Variants in DNAI4 observed in about 807,000 individuals in gnomAD.
DNAI4 encodes WD repeat domain 78.
A neutral mutation model predicts 105.8 loss-of-function variants in DNAI4; 85 were observed. That is an observed-to-expected ratio of 0.80 (90% confidence interval 0.67 to 0.96). The LOEUF is 0.96. DNAI4 is among the 40% of genes least tolerant of loss of function. The pLI is 0.00. For missense variants in DNAI4, 1,014 were observed against 1,005.6 expected (o/e 1.01, Z -0.11); for synonymous variants, 352 against 331.5 (o/e 1.06, Z -0.67).
rs1032383495 is a variant in DNAI4, at chr1:66,833,575, A to G, written c.2013+10T>C. On this transcript the variant is annotated intron_variant, in intron 13 of 16. Transcript: ENST00000371026. The stretch of plus-strand genomic sequence containing the variant: ...TATGTCCAGTGGTAAATAAGAGTGA[A>G]ATAATTTACCTTGGGATGAAAAGCA... 2 of 1,611,548 alleles carry G rather than the reference A, an allele frequency of 1.2e-6. No homozygotes were observed. Among genetic ancestry groups the G allele is most frequent in the Non-Finnish European group, 1.7e-6 (2 of 1,178,992 alleles).
At chr1:66,817,191 G>T (rs900899564) in intron 16 of DNAI4, among the ~76,000 whole-genome samples, 19 of 152,088 alleles carry the variant, frequency 1.2e-4, no homozygotes, top group African/African-American at 4.6e-4. Flanking sequence ...CAATTTGTCA[G>T]TATACAAACA....
In DNAI4 at chr1:66,874,828, C is replaced by G; in HGVS notation, c.753G>C (p.Leu251Phe). ...TETETLRFFD[L>F]PTVMVSVESE... ...ATTCTACAGAGACCATGACTGTGGG[C>G]AAGTCAAAAAATCTCAGTGTTTCTG... is the stretch of plus-strand genomic sequence containing the variant. Residue 251 changes from leucine (L) to phenylalanine (F), a missense_variant, in exon 5 of 17, where the codon TTG (leucine) becomes TTC (phenylalanine). Transcript: ENST00000371026. 6.2e-7 allele frequency: 1 copy of G among 1,613,608 alleles called. No homozygotes were observed. The highest frequency in any genetic ancestry group is 8.5e-7 in the Non-Finnish European group (1 of 1,179,740).
chr1:66,915,770 T>TA (rs1203198296), intron 1 of DNAI4, among the ~76,000 whole-genome samples: 1 of 152,100 alleles, frequency 6.6e-6, no homozygotes, highest in African/African-American at 2.4e-5. Context: ...AAGAAAGTTA[T>TA]AAAAATAAAC....
At position 66,871,452 on chromosome 1, in the gene DNAI4, A is replaced by T; in HGVS notation, c.858T>A (p.Tyr286Ter). Residue 286 changes from tyrosine (Y) to a stop codon, truncating the protein, a stop_gained, in exon 6 of 17, where the codon TAT becomes TAA. Transcript: ENST00000371026. LOFTEE classifies it high-confidence loss of function. ...TGAAAGTCTGCATCATCCTTTCAAC[A>T]TATAGGTCATTGCCTAATCTGTTTC... The part of the protein sequence containing the change: ...LCRNRLGNDL[Y>*]VERMMQTFNG... The T allele has an allele frequency of 6.2e-7, 1 of 1,611,428 alleles. No homozygotes were observed. The highest frequency in any genetic ancestry group is 8.5e-7 in the Non-Finnish European group (1 of 1,178,478).
At chr1:66,872,698 T>G (rs1646872516) in intron 5 of DNAI4, among the ~76,000 whole-genome samples, 1 of 152,068 alleles carries the variant, frequency 6.6e-6, no homozygotes, top group Non-Finnish European at 1.5e-5. Context: ...TACTTTTATA[T>G]TCCAATGCTC....
rs112227070 is a variant in DNAI4, at chr1:66,894,787, T to C, written c.346-1374A>G. ...ATGTGCTCAGGTCATTTGAAGACTC[T>C]CTAATTTGCTAATATTATATGTTTT... On this transcript the variant is annotated intron_variant, in intron 2 of 16. Transcript: ENST00000371026. Among the ~76,000 whole-genome samples the C allele has an allele frequency of 4.7e-3, 712 of 152,328 alleles. 3 individuals are homozygous for C. Among genetic ancestry groups the C allele is most frequent in the African/African-American group, 0.016 (671 of 41,578 alleles).
chr1:66,832,044 C>A (rs1645876840), intron 13 of DNAI4, among the ~76,000 whole-genome samples: 1 of 152,050 alleles, frequency 6.6e-6, no homozygotes, highest in South Asian at 2.1e-4. Context: ...TACTGGTAGC[C>A]CTTCCCCACC....
chr1:66,818,518 G>A (rs1258080814), intron 16 of DNAI4, among the ~76,000 whole-genome samples: 1 of 152,134 alleles, frequency 6.6e-6, no homozygotes, highest in African/African-American at 2.4e-5. Context: ...AAGATGAACT[G>A]TTCGTTTTTT....
At chr1:66,817,660 A>G (rs1219996418) in intron 16 of DNAI4, among the ~76,000 whole-genome samples, 1 of 152,230 alleles carries the variant, frequency 6.6e-6, no homozygotes, top group East Asian at 1.9e-4. Context: ...CCTACTGCAT[A>G]GGAAAACTGT....
intron 4 of DNAI4, among the ~76,000 whole-genome samples, chr1:66,885,788 T>C (rs1161294793): frequency 1.3e-5 from 2 of 152,236 alleles, no homozygotes; most frequent in Admixed American, 1.3e-4. Flanking sequence ...CAAGATGTTC[T>C]CTTTGTCTTT....
intron 7 of DNAI4, among the ~76,000 whole-genome samples, chr1:66,856,181 A>C (rs1646496212): frequency 6.6e-6 from 1 of 150,890 alleles, no homozygotes. Flanking sequence ...TCTAAATAAC[A>C]CTTATAGGCG....
In DNAI4 at chr1:66,813,348, C is replaced by G. The variant is rs935472240; in HGVS notation, c.*782G>C. 1 of 152,286 alleles carries G rather than the reference C, an allele frequency of 6.6e-6. No individual in the cohort carries two copies. The highest frequency in any genetic ancestry group is 2.4e-5 in the African/African-American group (1 of 41,424). 9.4% of individuals were successfully genotyped at this position (152,286 alleles called of 1,614,324 possible). A position where few individuals can be genotyped will look rare whatever the true frequency, so the allele number is the denominator to read the frequency against. On this transcript the variant is annotated 3_prime_UTR_variant, in exon 17 of 17. Transcript: ENST00000371026. ...GAGTCACTGCTCCCCATCTCCACCC[C>G]GATTTCCGCAACCTTGCTCTAGAAC...
At chr1:66,893,057 G>GGA (rs1557965205) in intron 3 of DNAI4, among the ~76,000 whole-genome samples, 172 bp downstream of exon 3, 7 of 91,384 alleles carry the variant, frequency 7.7e-5, no homozygotes, top group African/African-American at 3.3e-4. Context: ...GAAAGAAAGA[G>GGA]AGAGAGAGAA....
chr1:66,872,622 A>C (rs957995078), intron 5 of DNAI4, among the ~76,000 whole-genome samples: 1 of 152,078 alleles, frequency 6.6e-6, no homozygotes, highest in Admixed American at 6.6e-5. Flanking sequence ...CTGTCAGTTT[A>C]ATTGTTCCTC....
intron 7 of DNAI4, among the ~76,000 whole-genome samples, chr1:66,852,864 C>T (rs1265692883): frequency 6.6e-6 from 1 of 152,134 alleles, no homozygotes; most frequent in African/African-American, 2.4e-5. Context: ...AAGATACCTC[C>T]AGAGAGCTCT....
At position 66,840,407 on chromosome 1, in the gene DNAI4, T is replaced by A; in HGVS notation, c.1494+62A>T. The A allele has an allele frequency of 2.7e-6, 4 of 1,475,124 alleles. No homozygotes were observed. The South Asian group carries it at 4.6e-5, about 17-fold the overall frequency. The allele number at this position is 1,475,124 out of a possible 1,614,324, so 91.4% of individuals were successfully genotyped here. On this transcript the variant is annotated intron_variant, in intron 9 of 16. Transcript: ENST00000371026. ...TCTAAGGAAAACAATTCTTCATTAT[T>A]CGAACTTGATAATTTCCCTTCAATG...
chr1:66,830,794 T>A (rs938456399), intron 13 of DNAI4, among the ~76,000 whole-genome samples: 29 of 147,526 alleles, frequency 2.0e-4, no homozygotes, highest in South Asian at 1.5e-3. Context: ...AAAAAATAAA[T>A]AAATAAATAA....
At chr1:66,817,005 C>A (rs928011131) in intron 16 of DNAI4, among the ~76,000 whole-genome samples, 2 of 151,744 alleles carry the variant, frequency 1.3e-5, no homozygotes, top group Non-Finnish European at 2.9e-5. Context: ...ACATATTGTA[C>A]TTACTTTGTG....
Position 66,836,186 on chromosome 1 carries a change from AAGAAAGAAAGAAAGAAAGAAAGAG to A in DNAI4, c.1582-433_1582-410del, listed in dbSNP as rs1557908057. The stretch of plus-strand genomic sequence containing the variant: ...AAAGAAAGAAAGAAAGAAAGAAAGA[AAGAAAGAAAGAAAGAAAGAAAGAG>A]AGAGAGAGAGAGAGAGAGAGAGAGA... On this transcript the variant is annotated intron_variant, in intron 10 of 16. Coordinates refer to ENST00000371026, the MANE Select transcript of DNAI4 (RefSeq NM_024763.5). Among the ~76,000 whole-genome samples the A allele has an allele frequency of 1.3e-3, 87 of 65,716 alleles. 1 individual carries two copies. The highest frequency in any genetic ancestry group is 5.1e-3 in the East Asian group (17 of 3,310). The allele number at this position is 65,716 out of a possible 152,430, so 43.1% of individuals were successfully genotyped here.
Sources: gnomAD v4.1 joint callset for allele counts (sites outside exome capture counted in the v4.1 genomes callset) on GRCh38, gnomAD v4.1.1 for gene constraint, MANE v1.5 for transcripts, NCBI Gene and HGNC (gene_info 2026-07-23, HGNC 2026-07-21) for gene names.